BRINP3: variants seen among roughly 807,000 people sequenced by gnomAD.
BRINP3 encodes the protein BMP/retinoic acid inducible neural specific 3.
BRINP3 carries 19 observed loss-of-function variants against 71.0 expected under a neutral mutation model. The ratio of observed to expected loss-of-function variants is 0.27; its 90% CI spans 0.19 to 0.39. The LOEUF is 0.39. Ranked by LOEUF, BRINP3 falls within the 10% of genes least tolerant of loss-of-function variation. The pLI is 1.00. For missense variants in BRINP3, 959 were observed against 940.8 expected, an observed-to-expected ratio of 1.02 and a Z score of -0.25; for synonymous variants, 380 against 337.7, an observed-to-expected ratio of 1.13 and a Z score of -1.37.
At chr1:190,410,493 A>G (rs1188225896) in intron 2 of BRINP3, among the ~76,000 whole-genome samples, 1 of 152,148 alleles carries the variant, frequency 6.6e-6, no homozygotes, top group East Asian at 1.9e-4. Context: ...GTCAGGTTAT[A>G]AATTTGGATG....
At chr1:190,165,328 AT>A (rs1299682272) in intron 6 of BRINP3, among the ~76,000 whole-genome samples, 7 of 150,094 alleles carry the variant, frequency 4.7e-5, no homozygotes, top group East Asian at 3.9e-4. Context: ...TAGTAACACA[AT>A]TTTTTTGTAA....
chr1:190,330,546 T>G (rs1666897808), intron 2 of BRINP3, among the ~76,000 whole-genome samples: 1 of 152,044 alleles, frequency 6.6e-6, no homozygotes, highest in Non-Finnish European at 1.5e-5. Context: ...TGTACATTAG[T>G]TTAGCCACTG....
intron 4 of BRINP3, among the ~76,000 whole-genome samples, chr1:190,262,964 G>C (rs1426283299): frequency 1.3e-5 from 2 of 151,988 alleles, no homozygotes; most frequent in Non-Finnish European, 2.9e-5. Flanking sequence ...TGGGAGAAGA[G>C]AAGTATATGC....
chr1:190,202,729 A>C (rs1553258724), intron 6 of BRINP3, among the ~76,000 whole-genome samples: 1 of 152,024 alleles, frequency 6.6e-6, no homozygotes, highest in Non-Finnish European at 1.5e-5. Context: ...GTCTGAAAAA[A>C]GTCTAGTTTT....
At chr1:190,218,837 T>C (rs1298862052) in intron 6 of BRINP3, among the ~76,000 whole-genome samples, 3 of 152,140 alleles carry the variant, frequency 2.0e-5, no homozygotes, top group Non-Finnish European at 2.9e-5. Context: ...AGCCTACATT[T>C]ACTAACTCTT....
intron 2 of BRINP3, among the ~76,000 whole-genome samples, chr1:190,405,310 G>A (rs1000935038): frequency 6.6e-6 from 1 of 151,738 alleles, no homozygotes; most frequent in Non-Finnish European, 1.5e-5. Flanking sequence ...AATTAGCCAG[G>A]CGTGGTGGCG....
chr1:190,183,326 T>TA (rs1259583323), intron 6 of BRINP3, among the ~76,000 whole-genome samples: 1 of 152,020 alleles, frequency 6.6e-6, no homozygotes, highest in Non-Finnish European at 1.5e-5. Flanking sequence ...ATTTTAAGTT[T>TA]AAAAAAATTA....
At chr1:190,236,632 T>C (rs964927938) in intron 4 of BRINP3, among the ~76,000 whole-genome samples, 2 of 151,976 alleles carry the variant, frequency 1.3e-5, no homozygotes, top group African/African-American at 4.8e-5. Flanking sequence ...CAACTTTTAA[T>C]TATTCTCCAC....
chr1:190,383,620 C>A (rs79989840), intron 2 of BRINP3, among the ~76,000 whole-genome samples: 2,054 of 151,988 alleles, frequency 0.014, 51 homozygotes, highest in African/African-American at 0.046. Flanking sequence ...AAATAAGAAA[C>A]CCTAGAAAGG....
At chr1:190,150,842 T>C (rs1313358906) in intron 7 of BRINP3, among the ~76,000 whole-genome samples, 2 of 152,142 alleles carry the variant, frequency 1.3e-5, no homozygotes, top group African/African-American at 2.4e-5. Flanking sequence ...TATCATGGTG[T>C]CTATCCCTGG....
At chr1:190,303,505 C>T (rs1213560578) in intron 2 of BRINP3, among the ~76,000 whole-genome samples, 3 of 151,590 alleles carry the variant, frequency 2.0e-5, no homozygotes, top group Non-Finnish European at 3.0e-5. Flanking sequence ...AATTATCTGA[C>T]AATGAAAATA....
At chr1:190,311,160 A>T (rs1665491292) in intron 2 of BRINP3, among the ~76,000 whole-genome samples, 1 of 151,762 alleles carries the variant, frequency 6.6e-6, no homozygotes, top group South Asian at 2.1e-4. Context: ...ACAAGGTCCC[A>T]TGTGCTTTTA....
At chr1:190,420,587 C>T (rs1394304992) in intron 2 of BRINP3, among the ~76,000 whole-genome samples, 1 of 151,924 alleles carries the variant, frequency 6.6e-6, no homozygotes, top group Non-Finnish European at 1.5e-5. Flanking sequence ...TCTGAATTGT[C>T]CATATAACTT....
chr1:190,382,635 C>T (rs1298829994), intron 2 of BRINP3, among the ~76,000 whole-genome samples: 2 of 152,132 alleles, frequency 1.3e-5, no homozygotes, highest in East Asian at 3.8e-4. Context: ...TTTCTCCTTC[C>T]AGAATATGCC....
chr1:190,315,750 C>T (rs975965985), intron 2 of BRINP3, among the ~76,000 whole-genome samples: 11 of 152,090 alleles, frequency 7.2e-5, no homozygotes, highest in African/African-American at 2.7e-4. Flanking sequence ...TTTGGTTTGT[C>T]TCTCATGCAG....
intron 6 of BRINP3, among the ~76,000 whole-genome samples, chr1:190,198,916 C>A (rs1381644666): frequency 3.3e-5 from 5 of 152,050 alleles, no homozygotes; most frequent in African/African-American, 9.7e-5. Context: ...CTACTCTTAG[C>A]ACCAATTTAC....
In BRINP3 at chr1:190,454,914, T is replaced by C; in HGVS notation, c.-24A>G. 6.3e-7 allele frequency: 1 copy of C among 1,589,636 alleles called. No individual in the cohort carries two copies. Among genetic ancestry groups the C allele is most frequent in the Non-Finnish European group, 8.6e-7 (1 of 1,159,180 alleles). On this transcript the variant is annotated 5_prime_UTR_variant, in exon 2 of 8. Transcript: ENST00000367462. ...ATGCTTCCACTGGGGATTTAGAGCC[T>C]TCATTCTCTCAGCTTTCCCTCAACA... is the stretch of plus-strand genomic sequence containing the variant.
intron 7 of BRINP3, among the ~76,000 whole-genome samples, chr1:190,134,343 C>T (rs1358910348): frequency 6.6e-6 from 1 of 151,928 alleles, no homozygotes; most frequent in East Asian, 1.9e-4. Context: ...GTTGCTGTAA[C>T]ATCATGAGTT....
chr1:190,147,524 G>T (rs147541184), intron 7 of BRINP3, among the ~76,000 whole-genome samples: 33 of 152,228 alleles, frequency 2.2e-4, no homozygotes, highest in Middle Eastern at 3.4e-3. Context: ...TCACTAAGCA[G>T]AAAATTCTTC....
Sources: gnomAD v4.1 joint callset for allele counts (sites outside exome capture counted in the v4.1 genomes callset) on GRCh38, gnomAD v4.1.1 for gene constraint, MANE v1.5 for transcripts, NCBI Gene and HGNC (gene_info 2026-07-23, HGNC 2026-07-21) for gene names.